Variants in PTPRG observed in about 807,000 individuals in gnomAD.
PTPRG encodes the protein receptor-type tyrosine-protein phosphatase gamma.
A neutral mutation model predicts 165.3 loss-of-function variants in PTPRG; 102 were observed. That is an observed-to-expected ratio of 0.62 (90% CI 0.53 to 0.73). The LOEUF is 0.73. Ranked by LOEUF, PTPRG falls within the 30% of genes least tolerant of loss-of-function variation. PTPRG has a pLI of 0.00. For missense variants in PTPRG, 1,866 were observed against 1,861.4 expected, an observed-to-expected ratio of 1.00 and a Z score of -0.05; for synonymous variants, 675 against 669.5, an observed-to-expected ratio of 1.01 and a Z score of -0.13.
chr3:62,000,503 G>C (rs1364799086), intron 3 of PTPRG, among the ~76,000 whole-genome samples: 2 of 152,130 alleles, frequency 1.3e-5, no homozygotes, highest in African/African-American at 4.8e-5. Context: ...GGAGACCAGA[G>C]TCACATCCTT....
chr3:62,191,640 G>A lies in PTPRG; in HGVS notation c.1205G>A (p.Ser402Asn), dbSNP rs756424064. 9 of 1,614,088 alleles carry A rather than the reference G, an allele frequency of 5.6e-6. No individual in the cohort carries two copies. Among genetic ancestry groups the A allele is most frequent in the South Asian group, 4.4e-5 (4 of 91,068 alleles). Residue 402 changes from serine (S) to asparagine (N), a missense_variant, in exon 9 of 30, where the codon AGC becomes AAC. Ser to Asn is a conservative substitution (Grantham distance 46). Transcript: ENST00000474889. ...AAGGAGAAGACGTTTACAAAGGACA[G>A]CGACAAAGACTTGGTATGAAGCCCC... ...DEKEKTFTKD[S>N]DKDLKATISH...
Position 61,745,051 on chromosome 3 carries a change from C to CTT in PTPRG, c.86-3810_86-3809dup, listed in dbSNP as rs10669472. 2.6e-3 allele frequency among the ~76,000 whole-genome samples: 289 copies of CTT among 111,592 alleles called. 24 individuals carry two copies. Among genetic ancestry groups the CTT allele is most frequent in the Middle Eastern group, 6.8e-3 (1 of 148 alleles). 73.2% of individuals were successfully genotyped at this position (111,592 alleles called of 152,430 possible). ...TTTCATGTGTTCATTCATTCCCTCACTTTTTTTTTTTTTTTTTTGAGACGG... is the reference window on the plus strand; with the variant it reads ...TTTCATGTGTTCATTCATTCCCTCACTTTTTTTTTTTTTTTTTTTTGAGACGG... On this transcript the variant is annotated intron_variant, in intron 1 of 29. Coordinates refer to ENST00000474889, the MANE Select transcript of PTPRG (RefSeq NM_002841.4).
intron 2 of PTPRG, among the ~76,000 whole-genome samples, chr3:61,772,100 T>G (rs1227035491): frequency 6.6e-6 from 1 of 150,504 alleles, no homozygotes; most frequent in East Asian, 1.9e-4. Flanking sequence ...ATGAATATTG[T>G]GATGATCTCT....
In PTPRG at chr3:62,255,008, T is replaced by G; in HGVS notation, c.2468-116T>G. 2 of 775,458 alleles carry G rather than the reference T, an allele frequency of 2.6e-6. No homozygotes were observed. Among genetic ancestry groups the G allele is most frequent in the Non-Finnish European group, 4.1e-6 (2 of 485,572 alleles). 48.0% of individuals were successfully genotyped at this position (775,458 alleles called of 1,614,324 possible). On this transcript the variant is annotated intron_variant, in intron 15 of 29. Transcript: ENST00000474889. This position sits in a 1 kb window ranked among gnomAD's most constrained non-coding sequence, Gnocchi z 4.0. ...AGGACATCTATTTTGTGTGATACAA[T>G]TATTTTGCTCTTTGCAAAAATCAAG...
chr3:62,072,796 T>G lies in PTPRG; in HGVS notation c.520-5367T>G, dbSNP rs573281897. On this transcript the variant is annotated intron_variant, in intron 4 of 29. Coordinates refer to ENST00000474889, the MANE Select transcript of PTPRG (RefSeq NM_002841.4). ...TCATCGACCTTTAAGCTATATAGTT[T>G]TCTTAAAGAATCAAACCCAAAGTAT... 2.6e-5 allele frequency among the ~76,000 whole-genome samples: 4 copies of G among 152,178 alleles called. No individual in the cohort carries two copies. The South Asian group carries it at 8.3e-4, about 32-fold the overall frequency.
chr3:61,820,355 C>T (rs940461127), intron 2 of PTPRG, among the ~76,000 whole-genome samples: 1 of 152,202 alleles, frequency 6.6e-6, no homozygotes, highest in Admixed American at 6.5e-5. Context: ...TCTATTCAGG[C>T]ACTCAGGGTG....
At chr3:61,834,857 T>A (rs181966306) in intron 2 of PTPRG, among the ~76,000 whole-genome samples, 2 of 152,162 alleles carry the variant, frequency 1.3e-5, no homozygotes, top group East Asian at 3.9e-4. Context: ...GAGCTGCCAA[T>A]TTTTTCTCAT....
In PTPRG at chr3:62,280,135, AT is replaced by A. The variant is rs532343966; in HGVS notation, c.3766-1427del. Among the ~76,000 whole-genome samples the A allele has an allele frequency of 2.4e-3, 369 of 152,188 alleles. 2 individuals are homozygous for A. Among genetic ancestry groups the A allele is most frequent in the African/African-American group, 8.5e-3 (353 of 41,562 alleles). ...TCAAGGCTGAAAGACTTTCTATGTT[AT>A]CCCCTCTTGAAATATAACATTGACA... On this transcript the variant is annotated intron_variant, in intron 26 of 29. Transcript: ENST00000474889.
chr3:61,945,082 G>T (rs1447022092), intron 2 of PTPRG, among the ~76,000 whole-genome samples: 1 of 152,194 alleles, frequency 6.6e-6, no homozygotes, highest in East Asian at 1.9e-4. Context: ...AAATGTGCCA[G>T]CAGTGGACAG....
At position 62,195,427 on chromosome 3, in the gene PTPRG, T is replaced by C. The variant is rs1699936345; in HGVS notation, c.1327+257T>C. Among the ~76,000 whole-genome samples the C allele has an allele frequency of 6.6e-6, 1 of 152,224 alleles. No individual in the cohort carries two copies. Among genetic ancestry groups the C allele is most frequent in the South Asian group, 2.1e-4 (1 of 4,828 alleles). ...TATTTTCCAACTGTGGGGAACCAAGTACTCGGGCCTTTTTCTCGGTCACTG... is the reference window on the plus strand; with the variant it reads ...TATTTTCCAACTGTGGGGAACCAAGCACTCGGGCCTTTTTCTCGGTCACTG... On this transcript the variant is annotated intron_variant, in intron 10 of 29. Coordinates refer to ENST00000474889, the MANE Select transcript of PTPRG (RefSeq NM_002841.4). This position sits in a 1 kb window ranked among gnomAD's most constrained non-coding sequence, Gnocchi z 4.4.
chr3:62,032,884 G>A (rs1178272887), intron 4 of PTPRG, among the ~76,000 whole-genome samples: 4 of 152,172 alleles, frequency 2.6e-5, no homozygotes, highest in African/African-American at 9.7e-5. Context: ...AACTATTAAT[G>A]CTAAGGGGAA....
intron 1 of PTPRG, among the ~76,000 whole-genome samples, chr3:61,732,977 A>G (rs1343314033): frequency 2.0e-5 from 3 of 152,158 alleles, no homozygotes; most frequent in Non-Finnish European, 4.4e-5. Flanking sequence ...AAGCCTTGTA[A>G]TAATTTTCAG....
intron 2 of PTPRG, among the ~76,000 whole-genome samples, chr3:61,832,256 T>C (rs540784346): frequency 6.6e-5 from 10 of 152,350 alleles, no homozygotes; most frequent in Admixed American, 5.2e-4. Context: ...TCAAAATTAT[T>C]GGATTTGGAA....
At chr3:62,023,816 T>C (rs928800170) in intron 4 of PTPRG, among the ~76,000 whole-genome samples, 1 of 152,134 alleles carries the variant, frequency 6.6e-6, no homozygotes, top group Admixed American at 6.5e-5. Context: ...TTTTGGAACA[T>C]AGTAAACCCT....
intron 2 of PTPRG, among the ~76,000 whole-genome samples, chr3:61,756,348 A>G (rs1318342940): frequency 6.6e-6 from 1 of 152,122 alleles, no homozygotes; most frequent in Non-Finnish European, 1.5e-5. Context: ...TACAGATACT[A>G]TTTTTCTTTT....
At position 62,222,553 on chromosome 3, in the gene PTPRG, T is replaced by A. The variant is rs1013450764; in HGVS notation, c.2288+3570T>A. Among the ~76,000 whole-genome samples, 1 of 152,316 alleles carries A rather than the reference T, an allele frequency of 6.6e-6. No individual in the cohort carries two copies. Among genetic ancestry groups the A allele is most frequent in the Admixed American group, 6.5e-5 (1 of 15,302 alleles). On this transcript the variant is annotated intron_variant, in intron 13 of 29. Transcript: ENST00000474889. This position sits in a 1 kb window ranked among gnomAD's most constrained non-coding sequence, Gnocchi z 4.5. ...TCTGGTGGCCAAAAGGATGGAACAT[T>A]CTTGTCAGGCCTAGGTCTTATATTT...
chr3:61,792,716 C>A (rs1481028927), intron 2 of PTPRG, among the ~76,000 whole-genome samples: 2 of 102,664 alleles, frequency 1.9e-5, no homozygotes, highest in African/African-American at 4.7e-5. Flanking sequence ...TTCTTTCTTT[C>A]TTTCTTTCTT....
intron 5 of PTPRG, among the ~76,000 whole-genome samples, chr3:62,116,548 T>G (rs1470089121): frequency 6.6e-6 from 1 of 151,900 alleles, no homozygotes; most frequent in Admixed American, 6.6e-5. Flanking sequence ...TAACGACGAG[T>G]GAAAGAAGGT....
intron 1 of PTPRG, among the ~76,000 whole-genome samples, chr3:61,582,045 G>A (rs926373990): frequency 9.2e-5 from 14 of 151,920 alleles, no homozygotes; most frequent in Admixed American, 3.3e-4. Flanking sequence ...TCCCCTCATT[G>A]CAACCTCCCC....
Sources: gnomAD v4.1 joint callset for allele counts (sites outside exome capture counted in the v4.1 genomes callset) on GRCh38, gnomAD v4.1.1 for gene constraint, Gnocchi (gnomAD v3.1) non-coding constraint, MANE v1.5 for transcripts, NCBI Gene and HGNC (gene_info 2026-07-23, HGNC 2026-07-21) for gene names.